The following MYPN variants were observed in gnomAD, a reference collection of about 807,000 sequenced individuals.
MYPN encodes myopalladin, also known as sarcomeric protein myopalladin, 145 kDa (MYOP).
A neutral mutation model predicts 129.4 loss-of-function variants in MYPN; 63 were observed. The observed-to-expected ratio is 0.49, with a 90% CI of 0.40 to 0.60. The LOEUF (loss-of-function observed/expected upper bound fraction) is 0.60. Among genes scored for constraint, MYPN ranks in the 20% least tolerant of loss-of-function variants. MYPN has a pLI of 0.00. For missense variants in MYPN, 1,596 were observed against 1,635.4 expected, an observed-to-expected ratio of 0.98 and a Z score of 0.42; for synonymous variants, 629 against 600.9, an observed-to-expected ratio of 1.05 and a Z score of -0.68.
intron 17 of MYPN, 48 bp downstream of exon 17, chr10:68,199,623 T>C (rs1427629504): frequency 2.5e-6 from 4 of 1,575,872 alleles, no homozygotes; most frequent in Non-Finnish European, 3.5e-6. Flanking sequence ...TCCAAAGTCA[T>C]TACCCAAAGA....
At chr10:68,090,690 T>C (rs759933429) in intron 1 of MYPN, among the ~76,000 whole-genome samples, 1 of 152,174 alleles carries the variant, frequency 6.6e-6, no homozygotes, top group African/African-American at 2.4e-5. Flanking sequence ...AACACTGGAT[T>C]ATAGCTAAAA....
chr10:68,166,640 C>G lies in MYPN; in HGVS notation c.1947C>G (p.Pro649=), dbSNP rs773397895. The change falls in exon 10 of 20, where the codon CCC becomes CCG. Residue 649 remains proline (P), a synonymous_variant. Coordinates refer to ENST00000358913, the MANE Select transcript of MYPN (RefSeq NM_032578.4). ...AGCCTTCTTCCCCCGTGAAAGAGCCCCCTCCAGTTCTGGCCAAACCCAAAC... is the reference window on the plus strand; with the variant it reads ...AGCCTTCTTCCCCCGTGAAAGAGCCGCCTCCAGTTCTGGCCAAACCCAAAC... ...TPEPSSPVKE[P]PPVLAKPKLD... is the part of the protein sequence containing the mutation. 25 of 1,613,858 alleles carry G rather than the reference C, an allele frequency of 1.5e-5. No individual in the cohort carries two copies. Among genetic ancestry groups the G allele is most frequent in the Non-Finnish European group, 8.5e-7 (1 of 1,180,012 alleles).
At position 68,166,544 on chromosome 10, in the gene MYPN, G is replaced by A. The variant is rs751087472; in HGVS notation, c.1851G>A (p.Val617=). 112 of 1,614,044 alleles carry A rather than the reference G, an allele frequency of 6.9e-5. No individual in the cohort carries two copies. Among genetic ancestry groups the A allele is most frequent in the Admixed American group, 1.8e-4 (11 of 60,000 alleles). ...GTGAAGCATCCTCCGAGGCTGGTGT[G>A]GTGACCACCAGACAGACCAGGCCCG... is the stretch of plus-strand genomic sequence containing the variant. ...KGSEASSEAG[V]VTTRQTRPDS... is the part of the protein sequence containing the mutation. The change falls in exon 10 of 20, where the codon GTG becomes GTA. Residue 617 remains valine (V), a synonymous_variant. Coordinates refer to ENST00000358913, the MANE Select transcript of MYPN (RefSeq NM_032578.4).
chr10:68,121,290 A>G (rs1022517687), intron 1 of MYPN, 148 bp from the exon 2 acceptor site: 3 of 754,704 alleles, frequency 4.0e-6, no homozygotes, highest in Admixed American at 3.1e-5. Flanking sequence ...AAATAAATAA[A>G]TTAATTAAAA....
At chr10:68,111,294 A>G (rs752078331) in intron 1 of MYPN, among the ~76,000 whole-genome samples, 7 of 152,172 alleles carry the variant, frequency 4.6e-5, no homozygotes, top group Non-Finnish European at 1.0e-4. Flanking sequence ...TGAGAGTTCA[A>G]TTTTTCAACA....
At chr10:68,190,034 T>C (rs1379775934) in intron 13 of MYPN, among the ~76,000 whole-genome samples, 1 of 152,156 alleles carries the variant, frequency 6.6e-6, no homozygotes, top group Non-Finnish European at 1.5e-5. Context: ...ACCAGCATTT[T>C]TTTTTGTCTT....
At position 68,149,488 on chromosome 10, in the gene MYPN, C is replaced by T. The variant is rs562013385; in HGVS notation, c.1246-552C>T. 6.6e-5 allele frequency among the ~76,000 whole-genome samples: 10 copies of T among 151,860 alleles called. No homozygotes were observed. In the South Asian group the frequency reaches 1.0e-3, roughly 16 times the overall value. ...TTTTTCAAAAAATTATTTGTAGAGA[C>T]GAGATCTCACTGTGTTGCTCAGGCT... On this transcript the variant is annotated intron_variant, in intron 5 of 19. Transcript: ENST00000358913.
intron 1 of MYPN, among the ~76,000 whole-genome samples, chr10:68,115,118 G>C (rs931656715): frequency 4.6e-5 from 7 of 152,034 alleles, no homozygotes; most frequent in Non-Finnish European, 7.4e-5. Flanking sequence ...AATTAGCCAG[G>C]GGTGGTGGCA....
In MYPN at chr10:68,199,594, A is replaced by T; in HGVS notation, c.3493+19A>T. 1 of 462,670 alleles carries T rather than the reference A, an allele frequency of 2.2e-6. No individual in the cohort carries two copies. The highest frequency in any genetic ancestry group is 3.4e-5 in the South Asian group (1 of 29,358). The allele number at this position is 462,670 out of a possible 1,614,324, so 28.7% of individuals were successfully genotyped here. Reference sequence around the variant, plus strand: ...GTAGTAGGTAAGGTTTGCTGCTGGGACCCCTAAACACAACTTCCTCCAAAG... The same window carrying T: ...GTAGTAGGTAAGGTTTGCTGCTGGGTCCCCTAAACACAACTTCCTCCAAAG... On this transcript the variant is annotated intron_variant, in intron 17 of 19. Transcript: ENST00000358913.
intron 2 of MYPN, among the ~76,000 whole-genome samples, chr10:68,124,096 C>T (rs556282492): frequency 1.2e-4 from 19 of 152,244 alleles, no homozygotes; most frequent in African/African-American, 3.6e-4. Flanking sequence ...AGTTTCAGGA[C>T]GCCTCACTTG....
chr10:68,187,234 T>C (rs538325647), intron 12 of MYPN, among the ~76,000 whole-genome samples: 1 of 149,764 alleles, frequency 6.7e-6, no homozygotes, highest in African/African-American at 2.5e-5. Flanking sequence ...TAGCTGGGCA[T>C]GGCAGAGGGC....
At chr10:68,125,615 T>C (rs1382530985) in intron 2 of MYPN, among the ~76,000 whole-genome samples, 1 of 152,194 alleles carries the variant, frequency 6.6e-6, no homozygotes, top group Non-Finnish European at 1.5e-5. Context: ...GCAATACAGT[T>C]AAAGAAATAA....
intron 12 of MYPN, among the ~76,000 whole-genome samples, chr10:68,182,479 C>CAA (rs1183538061): frequency 1.1e-4 from 15 of 137,896 alleles, no homozygotes; most frequent in African/African-American, 3.5e-4. Flanking sequence ...TATACACACA[C>CAA]ACACACACAC....
chr10:68,154,592 C>G (rs1564666956), intron 6 of MYPN, among the ~76,000 whole-genome samples: 1 of 152,180 alleles, frequency 6.6e-6, no homozygotes, highest in Non-Finnish European at 1.5e-5. Context: ...TCAGACAGTT[C>G]TTTATCAGTA....
chr10:68,206,853 C>T lies in MYPN; in HGVS notation c.3743C>T (p.Ala1248Val). The change falls in exon 19 of 20, where the codon GCC (alanine) becomes GTC (valine). Residue 1248 changes from alanine (A) to valine (V), a missense_variant. Transcript: ENST00000358913. ...GACGCTGGATGGTACACGTTGTCAG[C>T]CAAGAATGAAGCCGGCATCGTGTCG... ...KSDAGWYTLSAKNEAGIVSCT... is the reference protein window; with the variant it reads ...KSDAGWYTLSVKNEAGIVSCT... 1.2e-6 allele frequency: 2 copies of T among 1,614,186 alleles called. No individual in the cohort carries two copies. The highest frequency in any genetic ancestry group is 4.5e-5 in the East Asian group (2 of 44,894).
In MYPN at chr10:68,210,744, T is replaced by G; in HGVS notation, c.*289T>G. The G allele has an allele frequency of 9.7e-6, 5 of 513,888 alleles. No homozygotes were observed. Among genetic ancestry groups the G allele is most frequent in the African/African-American group, 3.8e-5 (2 of 52,340 alleles). 31.8% of individuals were successfully genotyped at this position (513,888 alleles called of 1,614,324 possible). ...CTGCTTTGGGAAAAAACTAGCATGC[T>G]CCCCTGCTCCCTGTTGTGTTAGGGA... is the stretch of plus-strand genomic sequence containing the variant. On this transcript the variant is annotated 3_prime_UTR_variant, in exon 20 of 20. Transcript: ENST00000358913.
Position 68,121,973 on chromosome 10 carries a change from A to G in MYPN, c.535A>G (p.Lys179Glu). ...SSKRIRPRAC[K>E]NHKSKLESQN... ...CAAAAGGATTAGACCTCGTGCCTGC[A>G]AAAACCACAAGAGTAAACTGGAATC... Residue 179 changes from lysine to glutamate, a missense_variant, in exon 2 of 20, where the codon AAA becomes GAA. Lys to Glu is a moderately conservative substitution (Grantham distance 56, BLOSUM62 1). Transcript: ENST00000358913. 1 of 1,614,248 alleles carries G rather than the reference A, an allele frequency of 6.2e-7. No homozygotes were observed. The highest frequency in any genetic ancestry group is 8.5e-7 in the Non-Finnish European group (1 of 1,180,050).
At position 68,111,370 on chromosome 10, in the gene MYPN, C is replaced by A. The variant is rs574887643; in HGVS notation, c.-2+1647C>A. Among the ~76,000 whole-genome samples, 13 of 152,302 alleles carry A rather than the reference C, an allele frequency of 8.5e-5. 1 individual carries two copies. In the East Asian group the frequency reaches 2.5e-3, roughly 29 times the overall value. ...CTAACCTGAAAATATAAGTCAAATGCTCCTGCCAACCCTAGAACAATTAAT... is the reference window on the plus strand; with the variant it reads ...CTAACCTGAAAATATAAGTCAAATGATCCTGCCAACCCTAGAACAATTAAT... On this transcript the variant is annotated intron_variant, in intron 1 of 19. Transcript: ENST00000358913.
chr10:68,153,990 A>G (rs987822936), intron 6 of MYPN, among the ~76,000 whole-genome samples: 1 of 151,928 alleles, frequency 6.6e-6, no homozygotes, highest in African/African-American at 2.4e-5. Context: ...TGCTGGTGAC[A>G]GCGAAGTACT....
Sources: gnomAD v4.1 joint callset for allele counts (sites outside exome capture counted in the v4.1 genomes callset) on GRCh38, gnomAD v4.1.1 for gene constraint, MANE v1.5 for transcripts, NCBI Gene and HGNC (gene_info 2026-07-23, HGNC 2026-07-21) for gene names.